EXOC6B: variants seen among roughly 807,000 people sequenced by gnomAD.
EXOC6B encodes the protein exocyst complex component 6B, also known as SEC15 homolog B.
A neutral mutation model predicts 113.5 loss-of-function variants in EXOC6B; 54 were observed. That is an observed-to-expected ratio of 0.48 (90% CI 0.38 to 0.60). The LOEUF is 0.60. Among genes scored for constraint, EXOC6B ranks in the 20% least tolerant of loss-of-function variants. EXOC6B has a pLI of 0.00. For synonymous variants in EXOC6B, 357 were observed against 339.0 expected, an observed-to-expected ratio of 1.05 and a Z score of -0.58; for missense variants, 797 against 977.5, an observed-to-expected ratio of 0.82 and a Z score of 2.46.
intron 8 of EXOC6B, among the ~76,000 whole-genome samples, chr2:72,539,830 T>A (rs949661477): frequency 8.6e-5 from 13 of 151,964 alleles, no homozygotes; most frequent in African/African-American, 3.1e-4. Context: ...AAGTTTTAGG[T>A]TACATGCGCA....
rs181346576 is a variant in EXOC6B at position 72,366,140 on chromosome 2, G to A, written c.2122+13589C>T. On this transcript the variant is annotated intron_variant, in intron 19 of 21. Transcript: ENST00000272427. The stretch of plus-strand genomic sequence containing the variant: ...AATATCAATAACCTGGAAAATATAC[G>A]CATGATGGAACTGGTAGAACAGGAC... Among the ~76,000 whole-genome samples, 20 of 152,072 alleles carry A rather than the reference G, an allele frequency of 1.3e-4. No homozygotes were observed. In the East Asian group the frequency reaches 3.3e-3, roughly 25 times the overall value.
At chr2:72,803,111 G>A (rs1685386673) in intron 1 of EXOC6B, among the ~76,000 whole-genome samples, 1 of 152,076 alleles carries the variant, frequency 6.6e-6, no homozygotes, top group Non-Finnish European at 1.5e-5. Context: ...AACTTTGGGG[G>A]ATAAAGACCC....
intron 7 of EXOC6B, among the ~76,000 whole-genome samples, chr2:72,560,808 T>C (rs7604818): frequency 0.26 from 39,496 of 150,828 alleles, 9,472 homozygotes; most frequent in African/African-American, 0.65. Context: ...AGATGGTCAA[T>C]ATCCTATACC....
intron 20 of EXOC6B, among the ~76,000 whole-genome samples, chr2:72,231,433 T>C (rs897050446): frequency 6.6e-6 from 1 of 152,164 alleles, no homozygotes; most frequent in African/African-American, 2.4e-5. Flanking sequence ...AGAATCAGAA[T>C]AGAACAATAA....
At chr2:72,808,372 T>C (rs1421140051) in intron 1 of EXOC6B, among the ~76,000 whole-genome samples, 5 of 152,152 alleles carry the variant, frequency 3.3e-5, no homozygotes, top group African/African-American at 1.2e-4. Context: ...TTCAAACTGG[T>C]AAAATGACAC....
chr2:72,253,354 C>T (rs891353035), intron 20 of EXOC6B, among the ~76,000 whole-genome samples: 1 of 152,116 alleles, frequency 6.6e-6, no homozygotes, highest in South Asian at 2.1e-4. Context: ...GGTATATACT[C>T]AAAGGAATGA....
At position 72,817,847 on chromosome 2, in the gene EXOC6B, C is replaced by G. The variant is rs184791931; in HGVS notation, c.113+7951G>C. On this transcript the variant is annotated intron_variant, in intron 1 of 21. Transcript: ENST00000272427. ...CTTCTCATCACCTCCTCCCTATTAC[C>G]ATATTGCATGCCATAACCATCTCTT... Among the ~76,000 whole-genome samples, 381 of 152,256 alleles carry G rather than the reference C, an allele frequency of 2.5e-3. 2 individuals are homozygous for G. Among genetic ancestry groups the G allele is most frequent in the African/African-American group, 8.7e-3 (362 of 41,568 alleles).
intron 1 of EXOC6B, among the ~76,000 whole-genome samples, chr2:72,799,025 G>A (rs1025442525): frequency 5.9e-5 from 9 of 151,994 alleles, no homozygotes; most frequent in African/African-American, 2.2e-4. Context: ...AATTGCTTGA[G>A]CCCAGGAGTT....
chr2:72,342,884 G>A (rs61571701), intron 19 of EXOC6B, among the ~76,000 whole-genome samples: 1 of 152,216 alleles, frequency 6.6e-6, no homozygotes, highest in African/African-American at 2.4e-5. Context: ...TATAGCCAAA[G>A]GAAATGAAAT....
At chr2:72,365,109 A>G (rs680495) in intron 19 of EXOC6B, among the ~76,000 whole-genome samples, 54,610 of 152,018 alleles carry the variant, frequency 0.36, 15,907 homozygotes, top group African/African-American at 0.81. Flanking sequence ...TGTTGCTGTT[A>G]TATATTATCA....
At chr2:72,233,292 A>G (rs900552777) in intron 20 of EXOC6B, among the ~76,000 whole-genome samples, 2 of 152,076 alleles carry the variant, frequency 1.3e-5, no homozygotes, top group African/African-American at 4.8e-5. Context: ...GAGGAAAGGA[A>G]GGGGCTGGTG....
chr2:72,458,589 C>T (rs1697397866), intron 18 of EXOC6B, among the ~76,000 whole-genome samples: 1 of 152,062 alleles, frequency 6.6e-6, no homozygotes, highest in African/African-American at 2.4e-5. Context: ...GTAACTGGTT[C>T]TACAGCCTGA....
In EXOC6B at chr2:72,471,519, T is replaced by C. The variant is rs1044717504; in HGVS notation, c.1801-6180A>G. On this transcript the variant is annotated intron_variant, in intron 17 of 21. Coordinates refer to ENST00000272427, the MANE Select transcript of EXOC6B (RefSeq NM_015189.3). Reference sequence around the variant, plus strand: ...TTTGTTGCCATTGCTTTTGGTGTTTTAGACATGAAGTCCTTGCCCATGCCT... The same window carrying C: ...TTTGTTGCCATTGCTTTTGGTGTTTCAGACATGAAGTCCTTGCCCATGCCT... Among the ~76,000 whole-genome samples, 5 of 152,324 alleles carry C rather than the reference T, an allele frequency of 3.3e-5. No individual in the cohort carries two copies. The East Asian group carries it at 5.8e-4, about 18-fold the overall frequency.
intron 20 of EXOC6B, among the ~76,000 whole-genome samples, chr2:72,254,957 C>G (rs1424569933): frequency 6.6e-6 from 1 of 152,106 alleles, no homozygotes; most frequent in East Asian, 1.9e-4. Flanking sequence ...CAGAAAGAAA[C>G]CAACACTTAA....
intron 17 of EXOC6B, among the ~76,000 whole-genome samples, chr2:72,476,111 TCA>T (rs1212099195): frequency 2.0e-5 from 3 of 152,184 alleles, no homozygotes; most frequent in Non-Finnish European, 4.4e-5. Context: ...ACCAGTGCCA[TCA>T]CACAATCTCT....
rs61245347 is a variant in EXOC6B, at chr2:72,208,135, C to T, written c.2197-23948G>A. Among the ~76,000 whole-genome samples, 1,018 of 152,106 alleles carry T rather than the reference C, an allele frequency of 6.7e-3. 15 individuals carry two copies. The highest frequency in any genetic ancestry group is 0.023 in the African/African-American group (953 of 41,488). Reference sequence around the variant, plus strand: ...AGGGGGTATATGTGCAGATTTGTTACGTGGGTATATTACACAATGCTGAGG... The same window carrying T: ...AGGGGGTATATGTGCAGATTTGTTATGTGGGTATATTACACAATGCTGAGG... On this transcript the variant is annotated intron_variant, in intron 20 of 21. Transcript: ENST00000272427.
Position 72,741,495 on chromosome 2 carries a change from T to G in EXOC6B, c.114-26A>C, listed in dbSNP as rs201479104. On this transcript the variant is annotated intron_variant, in intron 1 of 21. Transcript: ENST00000272427. ...CTTTAAAAAAAAATGGCACGAAGAT[T>G]ATACCATGGTTACTTCTAAGAAGGA... 1.3e-3 allele frequency: 2,117 copies of G among 1,584,890 alleles called. 10 individuals carry two copies. In the Middle Eastern group the frequency reaches 0.015, roughly 11 times the overall value.
intron 1 of EXOC6B, among the ~76,000 whole-genome samples, chr2:72,775,251 T>A (rs1485438066): frequency 6.6e-6 from 1 of 152,140 alleles, no homozygotes; most frequent in Non-Finnish European, 1.5e-5. Context: ...GGGGAAGAAG[T>A]TGAGTATTCC....
At chr2:72,742,307 A>G (rs550075871) in intron 1 of EXOC6B, among the ~76,000 whole-genome samples, 31 of 152,296 alleles carry the variant, frequency 2.0e-4, no homozygotes, top group African/African-American at 6.7e-4. Flanking sequence ...GTATATAAAC[A>G]TAACTTTTAT....
Sources: allele counts gnomAD v4.1 joint callset (sites outside exome capture counted in the v4.1 genomes callset), GRCh38; gene constraint gnomAD v4.1.1; transcripts MANE v1.5; gene names NCBI Gene and HGNC (gene_info 2026-07-23, HGNC 2026-07-21).